GTF2I: variants seen among roughly 807,000 people sequenced by gnomAD.
GTF2I encodes the protein general transcription factor IIi.
A neutral mutation model predicts 67.6 loss-of-function variants in GTF2I; 12 were observed. The observed-to-expected ratio is 0.18, with a 90% CI of 0.11 to 0.29. The LOEUF (loss-of-function observed/expected upper bound fraction) is 0.29. GTF2I is among the 10% of genes least tolerant of loss of function. The probability of loss-of-function intolerance (pLI) is 1.00; values close to 1 mark genes in which losing one functional copy is unlikely to be tolerated. For synonymous variants in GTF2I, 149 were observed against 197.0 expected, an observed-to-expected ratio of 0.76 and a Z score of 2.04; for missense variants, 271 against 580.1, an observed-to-expected ratio of 0.47 and a Z score of 5.47.
rs1804577282 is a variant in GTF2I at position 74,662,299 on chromosome 7, C to G, written c.-6+4231C>G. On this transcript the variant is annotated intron_variant, in intron 1 of 34. Transcript: ENST00000573035. Reference sequence around the variant, plus strand: ...CAATCAGCTCACTGCAACTTACGCCCCCCCAGGGTCAAGTGATTCTCCTGC... The same window carrying G: ...CAATCAGCTCACTGCAACTTACGCCGCCCCAGGGTCAAGTGATTCTCCTGC... Among the ~76,000 whole-genome samples, 5 of 147,304 alleles carry G rather than the reference C, an allele frequency of 3.4e-5. No individual in the cohort carries two copies. The South Asian group carries it at 1.1e-3, about 32-fold the overall frequency.
chr7:74,683,979 C>T (rs1356619934), intron 1 of GTF2I, among the ~76,000 whole-genome samples: 1 of 151,888 alleles, frequency 6.6e-6, no homozygotes, highest in African/African-American at 2.4e-5. Flanking sequence ...TACTGGGAGA[C>T]CTCTGAGTTT....
intron 3 of GTF2I, among the ~76,000 whole-genome samples, chr7:74,695,141 T>A (rs140878199): frequency 6.6e-6 from 1 of 152,332 alleles, no homozygotes; most frequent in African/African-American, 2.4e-5. Flanking sequence ...TTTATTTAGT[T>A]TTTTTTGAGA....
chr7:74,665,682 C>G (rs1554388263), intron 1 of GTF2I, among the ~76,000 whole-genome samples: 1 of 152,132 alleles, frequency 6.6e-6, no homozygotes, highest in East Asian at 1.9e-4. Flanking sequence ...CATAAAAGTA[C>G]TATTATAAAG....
Position 74,706,422 on chromosome 7 carries a change from C to T in GTF2I, c.674C>T (p.Thr225Ile), listed in dbSNP as rs1554401421. Residue 225 changes from threonine to isoleucine, a missense_variant, in exon 8 of 35, where the codon ACA becomes ATA. Coordinates refer to ENST00000573035, the MANE Select transcript of GTF2I (RefSeq NM_032999.4). ...CCCATCAAAGTGAAAACTGAACCCA[C>T]AGAAGATTCTGGTATGTACTAGCAC... ...CGPIKVKTEP[T>I]EDSGISLEMA... The T allele has an allele frequency of 1.2e-6, 2 of 1,612,622 alleles. No individual in the cohort carries two copies. Among genetic ancestry groups the T allele is most frequent in the Middle Eastern group, 1.7e-4 (1 of 6,058 alleles).
Position 74,728,518 on chromosome 7 carries a change from A to G in GTF2I, c.944-268A>G, listed in dbSNP as rs1165044505. Among the ~76,000 whole-genome samples the G allele has an allele frequency of 9.7e-5, 11 of 113,658 alleles. No individual in the cohort carries two copies. The East Asian group carries it at 2.2e-3, about 23-fold the overall frequency. The allele number at this position is 113,658 out of a possible 152,430, so 74.6% of individuals were successfully genotyped here. On this transcript the variant is annotated intron_variant, in intron 12 of 34. Coordinates refer to ENST00000573035, the MANE Select transcript of GTF2I (RefSeq NM_032999.4). ...AATTTGAAAGTTATTTGAGAAGGGGAAATTTATAATGACAATTCAAATGAA... is the reference window on the plus strand; with the variant it reads ...AATTTGAAAGTTATTTGAGAAGGGGGAATTTATAATGACAATTCAAATGAA...
rs374288797 is a variant in GTF2I at position 74,714,904 on chromosome 7, A to C, written c.811A>C (p.Lys271Gln). ...DDVDEKQPLSKPLQGSHHSSE... is the reference protein window; with the variant it reads ...DDVDEKQPLSQPLQGSHHSSE... ...TGTTGATGAAAAACAGCCCCTATCG[A>C]AGCCTTTGCAAGGTATAATCTTTTC... Residue 271 changes from lysine (K) to glutamine (Q), a missense_variant, in exon 10 of 35, where the codon AAG becomes CAG. By Grantham distance (53) the Lys-to-Gln change is moderately conservative. Around this residue, in one of 9 missense-constraint regions of GTF2I, gnomAD observed 124 missense variants for 147.0 expected, o/e 0.84. Coordinates refer to ENST00000573035, the MANE Select transcript of GTF2I (RefSeq NM_032999.4). 9 of 1,601,924 alleles carry C rather than the reference A, an allele frequency of 5.6e-6. No individual in the cohort carries two copies. In the South Asian group the frequency reaches 8.9e-5, roughly 16 times the overall value.
chr7:74,679,799 G>A (rs1442300622), intron 1 of GTF2I, among the ~76,000 whole-genome samples: 3 of 151,904 alleles, frequency 2.0e-5, no homozygotes, highest in Non-Finnish European at 4.4e-5. Flanking sequence ...ACTAACTCTA[G>A]GCTGTGCACA....
intron 10 of GTF2I, among the ~76,000 whole-genome samples, chr7:74,715,760 A>G (rs931753464): frequency 6.6e-6 from 1 of 152,092 alleles, no homozygotes; most frequent in Non-Finnish European, 1.5e-5. Context: ...GTTTGAGTTC[A>G]GGTGAGTTTT....
At chr7:74,734,418 G>A (rs1418653617) in intron 16 of GTF2I, among the ~76,000 whole-genome samples, 2 of 150,016 alleles carry the variant, frequency 1.3e-5, no homozygotes, top group African/African-American at 4.9e-5. Context: ...GATGTATTTT[G>A]TTTTGTTTTG....
chr7:74,714,876 T>G lies in GTF2I; in HGVS notation c.783T>G (p.Asp261Glu), dbSNP rs782392915. ...CCAAAGCAGGCCCTTCTGAAACTGA[T>G]GATGTTGATGAAAAACAGCCCCTAT... Reference protein sequence around the residue: ...YNIQAGPSETDDVDEKQPLSK... With the variant: ...YNIQAGPSETEDVDEKQPLSK... Residue 261 changes from aspartate to glutamate, a missense_variant, in exon 10 of 35, where the codon GAT becomes GAG. By Grantham distance (45) the Asp-to-Glu change is conservative. Coordinates refer to ENST00000573035, the MANE Select transcript of GTF2I (RefSeq NM_032999.4). The G allele has an allele frequency of 4.4e-6, 7 of 1,607,854 alleles. No homozygotes were observed. Among genetic ancestry groups the G allele is most frequent in the African/African-American group, 2.7e-5 (2 of 74,722 alleles).
chr7:74,698,101 G>T (rs1789170131), intron 3 of GTF2I, among the ~76,000 whole-genome samples: 1 of 152,142 alleles, frequency 6.6e-6, no homozygotes, highest in Non-Finnish European at 1.5e-5. Flanking sequence ...GACCACAGGC[G>T]CCCGCCACCA....
chr7:74,661,634 C>T (rs889654161), intron 1 of GTF2I, among the ~76,000 whole-genome samples: 1 of 151,790 alleles, frequency 6.6e-6, no homozygotes, highest in Non-Finnish European at 1.5e-5. Flanking sequence ...GAGATGAGAT[C>T]TCACCACTGC....
chr7:74,686,750 G>A (rs1333671587), intron 1 of GTF2I, among the ~76,000 whole-genome samples: 3 of 152,122 alleles, frequency 2.0e-5, no homozygotes, highest in Non-Finnish European at 4.4e-5. Flanking sequence ...AAGCTGTTAG[G>A]CCAAATAATT....
intron 1 of GTF2I, among the ~76,000 whole-genome samples, chr7:74,663,178 T>G (rs1554387306): frequency 6.6e-6 from 1 of 151,758 alleles, no homozygotes; most frequent in African/African-American, 2.4e-5. Flanking sequence ...TAAACATGAG[T>G]TTTTGCAATA....
chr7:74,682,645 G>A (rs1414071857), intron 1 of GTF2I, among the ~76,000 whole-genome samples: 5 of 152,054 alleles, frequency 3.3e-5, no homozygotes, highest in East Asian at 1.9e-4. Context: ...ATTTTTTCAC[G>A]TAAAATAACT....
At chr7:74,661,954 C>G (rs1804536357) in intron 1 of GTF2I, among the ~76,000 whole-genome samples, 1 of 151,936 alleles carries the variant, frequency 6.6e-6, no homozygotes, top group Non-Finnish European at 1.5e-5. Context: ...CTTCAGATGC[C>G]CAAAGTCTGC....
intron 6 of GTF2I, 21 bp from the exon 7 acceptor site, chr7:74,705,143 A>ATT (rs372478911): frequency 1.4e-3 from 1,683 of 1,229,910 alleles, no homozygotes; most frequent in Non-Finnish European, 1.6e-3. Flanking sequence ...ACTAACTCCA[A>ATT]TTTTTTTTTT....
chr7:74,693,369 T>C (rs1554397553), intron 3 of GTF2I, among the ~76,000 whole-genome samples: 1 of 149,988 alleles, frequency 6.7e-6, no homozygotes, highest in African/African-American at 2.5e-5. Context: ...CCTGCCTCCT[T>C]GGTTCAAGGT....
chr7:74,706,384 T>C lies in GTF2I; in HGVS notation c.642-6T>C. The C allele has an allele frequency of 4.3e-6, 7 of 1,613,268 alleles. No homozygotes were observed. The highest frequency in any genetic ancestry group is 5.9e-6 in the Non-Finnish European group (7 of 1,179,234). On this transcript the variant is annotated splice_polypyrimidine_tract_variant and splice_region_variant and intron_variant, in intron 7 of 34. Transcript: ENST00000573035. Reference sequence around the variant, plus strand: ...TGGCTTGATCAGGGCTTTCTTCTCCTTGCAGTTGTGGCCCCATCAAAGTGA... The same window carrying C: ...TGGCTTGATCAGGGCTTTCTTCTCCCTGCAGTTGTGGCCCCATCAAAGTGA...
Sources: gnomAD v4.1 joint callset for allele counts (sites outside exome capture counted in the v4.1 genomes callset) on GRCh38, gnomAD v4.1.1 for gene constraint, gnomAD v4.1.1 regional missense constraint, MANE v1.5 for transcripts, NCBI Gene and HGNC (gene_info 2026-07-23, HGNC 2026-07-21) for gene names.